AGTPBP1: variants seen among roughly 807,000 people sequenced by gnomAD.
AGTPBP1 encodes ATP/GTP binding carboxypeptidase 1.
A neutral mutation model predicts 143.9 loss-of-function variants in AGTPBP1; 70 were observed. The ratio of observed to expected loss-of-function variants is 0.49; its 90% CI spans 0.40 to 0.59. AGTPBP1 has a LOEUF of 0.59. AGTPBP1 is among the 20% of genes least tolerant of loss of function. AGTPBP1 has a pLI of 0.00. For synonymous variants in AGTPBP1, 463 were observed against 500.2 expected, an observed-to-expected ratio of 0.93 and a Z score of 0.99; for missense variants, 1,229 against 1,464.5, an observed-to-expected ratio of 0.84 and a Z score of 2.62.
At chr9:85,747,135 G>A in the AGTPBP1 span, among the ~76,000 whole-genome samples, 11 of 152,110 alleles carry the variant, frequency 7.2e-5, no homozygotes, top group Non-Finnish European at 1.5e-4. Flanking sequence ...GGGATTACAG[G>A]CCTGAGCCAC....
At chr9:85,757,918 G>C in the AGTPBP1 span, among the ~76,000 whole-genome samples, 1 of 152,202 alleles carries the variant, frequency 6.6e-6, no homozygotes, top group Admixed American at 6.5e-5. Context: ...TCCAAGTAGG[G>C]AATGAATGCA....
intron 21 of AGTPBP1, among the ~76,000 whole-genome samples, chr9:85,587,757 C>T (rs1358407913): frequency 6.6e-6 from 1 of 152,088 alleles, no homozygotes; most frequent in Admixed American, 6.6e-5. Context: ...TGTCAAATTA[C>T]CAGGATAAAT....
the AGTPBP1 span, chr9:85,774,025 A>C: frequency 6.3e-7 from 1 of 1,599,280 alleles, no homozygotes; most frequent in Non-Finnish European, 8.6e-7. Flanking sequence ...TTGCTGTTAC[A>C]TCATTTCAAA....
the AGTPBP1 span, among the ~76,000 whole-genome samples, chr9:85,779,961 A>G: frequency 1.3e-5 from 2 of 152,216 alleles, no homozygotes; most frequent in Admixed American, 6.5e-5. Flanking sequence ...CAGACATAAA[A>G]TTAAGTTGAT....
At chr9:85,789,781 CTTAT>C in the AGTPBP1 span, among the ~76,000 whole-genome samples, 2 of 152,094 alleles carry the variant, frequency 1.3e-5, no homozygotes, top group African/African-American at 4.8e-5. Context: ...GTGAGGAATG[CTTAT>C]TTGAGACTAA....
chr9:85,786,149 C>A, the AGTPBP1 span: 1 of 1,607,170 alleles, frequency 6.2e-7, no homozygotes, highest in Non-Finnish European at 8.5e-7. Flanking sequence ...GGCATGCTTT[C>A]AGAAGAATTA....
At chr9:85,642,997 C>T (rs1278574695) in intron 12 of AGTPBP1, 54 bp from the exon 13 acceptor site, 1 of 1,184,350 alleles carries the variant, frequency 8.4e-7, no homozygotes, top group Middle Eastern at 2.7e-4. Context: ...TTAAAAATTA[C>T]AGAAAACATT....
chr9:85,772,472 G>A, the AGTPBP1 span, among the ~76,000 whole-genome samples: 7 of 152,342 alleles, frequency 4.6e-5, no homozygotes, highest in South Asian at 1.4e-3. Flanking sequence ...ACATGGCTGG[G>A]TGTGGTGGCT....
chr9:85,795,077 C>A, the AGTPBP1 span, among the ~76,000 whole-genome samples: 1 of 152,068 alleles, frequency 6.6e-6, no homozygotes, highest in African/African-American at 2.4e-5. Flanking sequence ...AGCAAAAACC[C>A]CAACTACTTT....
intron 12 of AGTPBP1, among the ~76,000 whole-genome samples, chr9:85,643,205 A>G (rs1237152872): frequency 6.6e-6 from 1 of 152,156 alleles, no homozygotes; most frequent in African/African-American, 2.4e-5. Flanking sequence ...AAACAGAAAA[A>G]CTTGTGTAAA....
chr9:85,719,584 T>C (rs1176363374), intron 1 of AGTPBP1, among the ~76,000 whole-genome samples: 1 of 152,204 alleles, frequency 6.6e-6, no homozygotes, highest in East Asian at 1.9e-4. Context: ...GTTTTCTAAA[T>C]ATACAATCAT....
intron 25 of AGTPBP1, among the ~76,000 whole-genome samples, chr9:85,569,205 G>A (rs62566880): frequency 0.026 from 4,000 of 152,142 alleles, 68 homozygotes; most frequent in Middle Eastern, 0.058. Context: ...ACTTTTATTA[G>A]TGATCACTGA....
chr9:85,759,970 A>G, the AGTPBP1 span, among the ~76,000 whole-genome samples: 12,934 of 152,184 alleles, frequency 0.085, 622 homozygotes, highest in African/African-American at 0.14. Context: ...ACAAACTACC[A>G]TCAGAGAATA....
At chr9:85,586,447 G>T (rs1202818536) in intron 22 of AGTPBP1, among the ~76,000 whole-genome samples, 1 of 152,148 alleles carries the variant, frequency 6.6e-6, no homozygotes, top group Non-Finnish European at 1.5e-5. Flanking sequence ...GAGAACAGAA[G>T]GAGCGTATGT....
intron 17 of AGTPBP1, among the ~76,000 whole-genome samples, chr9:85,606,433 G>A (rs992676528): frequency 6.7e-6 from 1 of 150,068 alleles, no homozygotes; most frequent in African/African-American, 2.4e-5. Context: ...GGAGAAAAGA[G>A]AACTCTTACA....
chr9:85,767,960 G>A, the AGTPBP1 span, among the ~76,000 whole-genome samples: 5 of 152,156 alleles, frequency 3.3e-5, no homozygotes, highest in Admixed American at 1.3e-4. Context: ...GAATTCTAGT[G>A]AGCTCCTGGG....
In AGTPBP1 at chr9:85,689,974, G is replaced by T. The variant is rs1231287616; in HGVS notation, c.157+2715C>A. ...TTAAAGTAAAAATAAAATACCAGGT[G>T]CTGGGTCAAATACCAGGTACAATTT... On this transcript the variant is annotated intron_variant, in intron 3 of 25. Transcript: ENST00000357081. Among the ~76,000 whole-genome samples the T allele has an allele frequency of 1.4e-4, 19 of 140,292 alleles. No homozygotes were observed. In the East Asian group the frequency reaches 2.7e-3, roughly 20 times the overall value. 92.0% of individuals were successfully genotyped at this position (140,292 alleles called of 152,430 possible). A position where few individuals can be genotyped will look rare whatever the true frequency, so the allele number is the denominator to read the frequency against.
At chr9:85,626,601 AC>A (rs1482496495) in intron 14 of AGTPBP1, among the ~76,000 whole-genome samples, 1 of 152,186 alleles carries the variant, frequency 6.6e-6, no homozygotes, top group Non-Finnish European at 1.5e-5. Context: ...CTTTGGAAAT[AC>A]CTTTAACCTG....
intron 17 of AGTPBP1, among the ~76,000 whole-genome samples, chr9:85,614,732 A>G (rs759822173): frequency 6.6e-6 from 1 of 152,154 alleles, no homozygotes; most frequent in Non-Finnish European, 1.5e-5. Flanking sequence ...TACTAGATCA[A>G]CAAGAAACCC....
Sources: gnomAD v4.1 joint callset for allele counts (sites outside exome capture counted in the v4.1 genomes callset) on GRCh38, gnomAD v4.1.1 for gene constraint, MANE v1.5 for transcripts, NCBI Gene and HGNC (gene_info 2026-07-23, HGNC 2026-07-21) for gene names.